The following SEMA3C variants were observed in gnomAD, a reference collection of about 807,000 sequenced individuals.
The protein encoded by SEMA3C is semaphorin 3C.
In SEMA3C, 47 loss-of-function variants were observed where a neutral mutation model predicts 89.4. That is an observed-to-expected ratio of 0.53 (90% CI 0.42 to 0.67). The LOEUF (loss-of-function observed/expected upper bound fraction) is 0.67. Ranked by LOEUF, SEMA3C falls within the 30% of genes least tolerant of loss-of-function variation. SEMA3C has a pLI of 0.00. For missense variants in SEMA3C, 839 were observed against 929.1 expected, an observed-to-expected ratio of 0.90 and a Z score of 1.26; for synonymous variants, 310 against 320.2, an observed-to-expected ratio of 0.97 and a Z score of 0.34.
intron 2 of SEMA3C, among the ~76,000 whole-genome samples, chr7:80,886,841 C>T (rs935070239): frequency 2.0e-5 from 3 of 152,064 alleles, no homozygotes; most frequent in African/African-American, 7.2e-5. Context: ...AATAATATGA[C>T]CGAATATATG....
Position 80,812,961 on chromosome 7 carries a change from ATTTTTTT to A in SEMA3C, c.448-2267_448-2261del, listed in dbSNP as rs1215661147. Among the ~76,000 whole-genome samples the A allele has an allele frequency of 1.2e-3, 113 of 92,498 alleles. No homozygotes were observed. The East Asian group carries it at 0.019, about 16-fold the overall frequency. The allele number at this position is 92,498 out of a possible 152,430, so 60.7% of individuals were successfully genotyped here. On this transcript the variant is annotated intron_variant, in intron 5 of 17. Transcript: ENST00000265361. ...ACCACCACGCCTGGCTATTTTTTGT[ATTTTTTT>A]TTTTTTTTTTTTTTTTTAATAGAGA...
chr7:80,830,969 A>C (rs576325234), intron 2 of SEMA3C, among the ~76,000 whole-genome samples: 2 of 152,316 alleles, frequency 1.3e-5, no homozygotes, highest in South Asian at 4.1e-4. Flanking sequence ...GTATCACTCA[A>C]AGGTTGGAGA....
intron 11 of SEMA3C, among the ~76,000 whole-genome samples, chr7:80,791,330 A>T (rs974666306): frequency 6.6e-6 from 1 of 152,222 alleles, no homozygotes; most frequent in African/African-American, 2.4e-5. Flanking sequence ...ATTTTAATAC[A>T]TACAAACATT....
chr7:80,779,962 AAT>A (rs957822125), intron 12 of SEMA3C, among the ~76,000 whole-genome samples: 1 of 152,164 alleles, frequency 6.6e-6, no homozygotes, highest in African/African-American at 2.4e-5. Context: ...CAAGGAACTG[AAT>A]TTTGCCAAAA....
chr7:80,844,200 C>T (rs947065664), intron 2 of SEMA3C, among the ~76,000 whole-genome samples: 5 of 152,016 alleles, frequency 3.3e-5, no homozygotes, highest in African/African-American at 7.2e-5. Context: ...AATGCACATA[C>T]GAAATATGTA....
chr7:80,899,071 C>T (rs924671117), intron 2 of SEMA3C, among the ~76,000 whole-genome samples: 2 of 152,184 alleles, frequency 1.3e-5, no homozygotes, highest in South Asian at 2.1e-4. Context: ...GACAGAGTCT[C>T]GCTCTGTTGG....
intron 2 of SEMA3C, among the ~76,000 whole-genome samples, chr7:80,893,893 T>A (rs1373516667): frequency 6.6e-6 from 1 of 152,052 alleles, no homozygotes; most frequent in East Asian, 1.9e-4. Flanking sequence ...TTTTAAAATG[T>A]AAACAACGTT....
intron 2 of SEMA3C, among the ~76,000 whole-genome samples, chr7:80,853,324 T>C (rs1292834474): frequency 3.3e-5 from 5 of 152,136 alleles, no homozygotes; most frequent in African/African-American, 2.4e-5. Flanking sequence ...CTCCCATGTA[T>C]ACAGCAGCAT....
Position 80,751,263 on chromosome 7 carries a change from T to C in SEMA3C, c.1711+6A>G, listed in dbSNP as rs1254250008. ...ACTGAGATTGGCCATTGCTCACTTTTAATACCTTTTAGATTAAATCCTCTG... is the reference window on the plus strand; with the variant it reads ...ACTGAGATTGGCCATTGCTCACTTTCAATACCTTTTAGATTAAATCCTCTG... On this transcript the variant is annotated splice_donor_region_variant and intron_variant, in intron 16 of 17. Transcript: ENST00000265361. 1.9e-6 allele frequency: 3 copies of C among 1,613,160 alleles called. No homozygotes were observed. Among genetic ancestry groups the C allele is most frequent in the Non-Finnish European group, 2.5e-6 (3 of 1,179,116 alleles).
At chr7:80,855,462 G>A (rs925974969) in intron 2 of SEMA3C, among the ~76,000 whole-genome samples, 3 of 152,054 alleles carry the variant, frequency 2.0e-5, no homozygotes, top group Non-Finnish European at 2.9e-5. Flanking sequence ...ATAGAGACAG[G>A]TCTCGCTATG....
chr7:80,835,622 C>G (rs902690588), intron 2 of SEMA3C, among the ~76,000 whole-genome samples: 1 of 152,064 alleles, frequency 6.6e-6, no homozygotes, highest in African/African-American at 2.4e-5. Flanking sequence ...GAAACTTCAG[C>G]GGACTGAAAC....
At chr7:80,911,467 A>G (rs560377352) in intron 2 of SEMA3C, among the ~76,000 whole-genome samples, 3 of 152,328 alleles carry the variant, frequency 2.0e-5, no homozygotes, top group African/African-American at 7.2e-5. Context: ...CGTTTTATCA[A>G]TATATGTGAA....
chr7:80,908,988 T>A (rs2116229946), intron 2 of SEMA3C, among the ~76,000 whole-genome samples: 1 of 152,282 alleles, frequency 6.6e-6, no homozygotes, highest in African/African-American at 2.4e-5. Flanking sequence ...CTGAACAGTT[T>A]TTGTTATATG....
Position 80,843,061 on chromosome 7 carries a change from G to C in SEMA3C, c.104-14316C>G, listed in dbSNP as rs564975155. ...AGGTTAGGAGGGGCGTGTGGGTGGG[G>C]GTGCAGATAAAGAGAAGTTGGTTAA... On this transcript the variant is annotated intron_variant, in intron 2 of 17. Transcript: ENST00000265361. Among the ~76,000 whole-genome samples the C allele has an allele frequency of 3.3e-5, 5 of 152,136 alleles. No homozygotes were observed. In the East Asian group the frequency reaches 9.7e-4, roughly 30 times the overall value.
chr7:80,900,216 C>T (rs1350094852), intron 2 of SEMA3C, among the ~76,000 whole-genome samples: 2 of 152,006 alleles, frequency 1.3e-5, no homozygotes, highest in Non-Finnish European at 2.9e-5. Flanking sequence ...CGGGTTCACG[C>T]CATTCTCCCG....
At chr7:80,899,188 G>A (rs1025330022) in intron 2 of SEMA3C, among the ~76,000 whole-genome samples, 3 of 152,090 alleles carry the variant, frequency 2.0e-5, no homozygotes, top group Non-Finnish European at 4.4e-5. Context: ...TTACAGGCGT[G>A]TGCCACTGCG....
At chr7:80,877,690 C>T (rs1241674553) in intron 2 of SEMA3C, among the ~76,000 whole-genome samples, 1 of 152,122 alleles carries the variant, frequency 6.6e-6, no homozygotes, top group Non-Finnish European at 1.5e-5. Context: ...CATGTGGACA[C>T]AGTTGTAGTG....
intron 12 of SEMA3C, among the ~76,000 whole-genome samples, chr7:80,772,330 A>G (rs573234969): frequency 3.9e-5 from 6 of 152,346 alleles, no homozygotes; most frequent in East Asian, 1.9e-4. Flanking sequence ...TAAAATCTTT[A>G]TTAGTTCACT....
intron 14 of SEMA3C, among the ~76,000 whole-genome samples, chr7:80,759,404 C>T (rs142515897): frequency 1.3e-5 from 2 of 152,198 alleles, no homozygotes; most frequent in East Asian, 1.9e-4. Flanking sequence ...ACCATGGGCC[C>T]GCCAGGCTCT....
Sources: allele counts gnomAD v4.1 joint callset (sites outside exome capture counted in the v4.1 genomes callset), GRCh38; gene constraint gnomAD v4.1.1; transcripts MANE v1.5; gene names NCBI Gene and HGNC (gene_info 2026-07-23, HGNC 2026-07-21).